Variants in GRHL2 observed in about 807,000 individuals in gnomAD.
The protein encoded by GRHL2 is grainyhead like transcription factor 2.
GRHL2 carries 21 observed loss-of-function variants against 83.8 expected under a neutral mutation model. The observed-to-expected ratio is 0.25, with a 90% CI of 0.18 to 0.36. The LOEUF (loss-of-function observed/expected upper bound fraction) is 0.36. GRHL2 is among the 10% of genes least tolerant of loss of function. The probability of loss-of-function intolerance (pLI) is 1.00; values close to 1 mark genes in which losing one functional copy is unlikely to be tolerated. For missense variants in GRHL2, 623 were observed against 781.8 expected (o/e 0.80, Z 2.42); for synonymous variants, 280 against 278.9 (o/e 1.00, Z -0.04).
intron 9 of GRHL2, among the ~76,000 whole-genome samples, chr8:101,624,360 C>A (rs886824293): frequency 4.0e-5 from 6 of 150,212 alleles, no homozygotes; most frequent in Middle Eastern, 3.7e-3. Flanking sequence ...CACAGTAGAA[C>A]AGTGTAGGGC....
chr8:101,673,428 A>G (rs1429423137), downstream of GRHL2, among the ~76,000 whole-genome samples: 1 of 151,706 alleles, frequency 6.6e-6, no homozygotes, highest in Non-Finnish European at 1.5e-5. Flanking sequence ...CAGACTTTAA[A>G]CCAACAAACA....
At chr8:101,639,172 T>G (rs1321230061) in intron 12 of GRHL2, among the ~76,000 whole-genome samples, 1 of 152,196 alleles carries the variant, frequency 6.6e-6, no homozygotes, top group Admixed American at 6.5e-5. Flanking sequence ...TACTTGTAAC[T>G]CCATTGGTTT....
At chr8:101,539,118 A>G (rs1811101303) in intron 1 of GRHL2, among the ~76,000 whole-genome samples, 1 of 152,196 alleles carries the variant, frequency 6.6e-6, no homozygotes, top group Admixed American at 6.5e-5. Context: ...CCTCCAGTGA[A>G]TCAGGACACA....
intron 6 of GRHL2, 73 bp from the exon 7 acceptor site, chr8:101,577,335 A>G: frequency 2.2e-6 from 2 of 911,588 alleles, no homozygotes; most frequent in Admixed American, 1.9e-5. Flanking sequence ...CTCTGGTAGA[A>G]CTTCCAGAAC....
chr8:101,559,258 T>A (rs543108299), intron 4 of GRHL2, among the ~76,000 whole-genome samples: 115 of 148,718 alleles, frequency 7.7e-4, no homozygotes, highest in African/African-American at 2.6e-3. Flanking sequence ...ATGCCTGTAA[T>A]CCCAGCACTT....
At chr8:101,550,352 A>G (rs1433071555) in intron 2 of GRHL2, among the ~76,000 whole-genome samples, 2 of 152,126 alleles carry the variant, frequency 1.3e-5, no homozygotes, top group African/African-American at 4.8e-5. Context: ...CTTGCCCTGC[A>G]TCCCTGCCTT....
At chr8:101,601,515 CTAAA>C (rs1232350164) in intron 8 of GRHL2, among the ~76,000 whole-genome samples, 1 of 152,162 alleles carries the variant, frequency 6.6e-6, no homozygotes, top group African/African-American at 2.4e-5. Flanking sequence ...CTTTCCTTGT[CTAAA>C]TGTGTGTGCC....
chr8:101,673,505 T>C (rs1341475117), downstream of GRHL2, among the ~76,000 whole-genome samples: 1 of 131,098 alleles, frequency 7.6e-6, no homozygotes, highest in Non-Finnish European at 1.6e-5. Flanking sequence ...GAGCTAACTA[T>C]CCTAAATATA....
chr8:101,521,064 G>A (rs1337750762), intron 1 of GRHL2, among the ~76,000 whole-genome samples: 1 of 152,150 alleles, frequency 6.6e-6, no homozygotes, highest in Non-Finnish European at 1.5e-5. Flanking sequence ...TGTATTAGGG[G>A]AACCACCTGT....
At chr8:101,621,710 A>G (rs1056184562) in intron 9 of GRHL2, among the ~76,000 whole-genome samples, 44 of 152,126 alleles carry the variant, frequency 2.9e-4, no homozygotes, top group African/African-American at 9.7e-4. Flanking sequence ...AGCTTAGGCA[A>G]CAAAGCGAGA....
intron 4 of GRHL2, among the ~76,000 whole-genome samples, chr8:101,569,291 T>G (rs1811775639): frequency 1.3e-5 from 2 of 152,204 alleles, no homozygotes; most frequent in Admixed American, 6.5e-5. Flanking sequence ...AGACCCAAGC[T>G]TCTTTGTGTG....
At chr8:101,614,611 CT>C (rs949491032) in intron 8 of GRHL2, among the ~76,000 whole-genome samples, 2 of 152,046 alleles carry the variant, frequency 1.3e-5, no homozygotes, top group African/African-American at 4.8e-5. Context: ...GAAATTATAC[CT>C]TTTCCTTAAG....
At chr8:101,614,016 G>T (rs1489122756) in intron 8 of GRHL2, among the ~76,000 whole-genome samples, 2 of 150,888 alleles carry the variant, frequency 1.3e-5, no homozygotes, top group Non-Finnish European at 2.9e-5. Context: ...TGAATCAAAG[G>T]TAGGCCCATT....
chr8:101,621,752 G>A (rs570316247), intron 9 of GRHL2, among the ~76,000 whole-genome samples: 1 of 152,132 alleles, frequency 6.6e-6, no homozygotes, highest in African/African-American at 2.4e-5. Context: ...GTAAAAATTA[G>A]CCAGGTTCAG....
At chr8:101,616,026 ATCTTT>A (rs775569312) in intron 8 of GRHL2, among the ~76,000 whole-genome samples, 1 of 150,120 alleles carries the variant, frequency 6.7e-6, no homozygotes, top group Non-Finnish European at 1.5e-5. Context: ...CTTTCTTTCT[ATCTTT>A]TCTTTCTTTC....
intron 1 of GRHL2, among the ~76,000 whole-genome samples, chr8:101,538,256 T>C (rs1811085322): frequency 6.6e-6 from 1 of 152,142 alleles, no homozygotes; most frequent in Non-Finnish European, 1.5e-5. Flanking sequence ...ACTGCTATTA[T>C]ACTCAGGGGA....
intron 7 of GRHL2, among the ~76,000 whole-genome samples, chr8:101,581,228 A>C (rs911579089): frequency 3.9e-5 from 6 of 152,198 alleles, no homozygotes; most frequent in African/African-American, 1.4e-4. Context: ...CATTGGTGGA[A>C]GCCAGTTTGA....
chr8:101,577,266 T>A (rs530030436), intron 6 of GRHL2, 142 bp from the exon 7 acceptor site: 15 of 693,240 alleles, frequency 2.2e-5, no homozygotes, highest in South Asian at 2.0e-4. Context: ...AAACGGACCA[T>A]ACAGCCAAGC....
At chr8:101,675,754 C>T in the GRHL2 span, among the ~76,000 whole-genome samples, 2 of 152,112 alleles carry the variant, frequency 1.3e-5, no homozygotes. Context: ...ATTGCCAAGT[C>T]AATCCTAAGC....
Sources: gnomAD v4.1 joint callset for allele counts (sites outside exome capture counted in the v4.1 genomes callset) on GRCh38, gnomAD v4.1.1 for gene constraint, MANE v1.5 for transcripts, NCBI Gene and HGNC (gene_info 2026-07-23, HGNC 2026-07-21) for gene names.